BLTP3A: variants seen among roughly 807,000 people sequenced by gnomAD.
The protein encoded by BLTP3A is bridge-like lipid transfer protein family member 3A.
chr6:34,870,774 A>C, the BLTP3A span: 3 of 1,498,808 alleles, frequency 2.0e-6, no homozygotes, highest in Non-Finnish European at 2.7e-6. Context: ...ACATAGGGTT[A>C]TTATGAATAT....
chr6:34,870,129 G>T, the BLTP3A span, among the ~76,000 whole-genome samples: 1 of 151,754 alleles, frequency 6.6e-6, no homozygotes, highest in Non-Finnish European at 1.5e-5. Flanking sequence ...TTCTATTCTG[G>T]ACAGCCATTT....
chr6:34,831,463 T>G, the BLTP3A span, among the ~76,000 whole-genome samples: 3 of 152,172 alleles, frequency 2.0e-5, no homozygotes, highest in African/African-American at 4.8e-5. Flanking sequence ...GAACAGAAAT[T>G]ATTAATTCTG....
the BLTP3A span, among the ~76,000 whole-genome samples, chr6:34,805,852 A>G: frequency 7.8e-4 from 118 of 152,136 alleles, no homozygotes; most frequent in African/African-American, 2.7e-3. Context: ...TCAGAGCAAT[A>G]GCATCCTTTT....
At chr6:34,830,057 C>T in the BLTP3A span, among the ~76,000 whole-genome samples, 1 of 151,634 alleles carries the variant, frequency 6.6e-6, no homozygotes, top group Admixed American at 6.6e-5. Flanking sequence ...TCGTGATTTG[C>T]CTGCCTCAGC....
At chr6:34,805,491 G>A in the BLTP3A span, among the ~76,000 whole-genome samples, 2 of 151,688 alleles carry the variant, frequency 1.3e-5, no homozygotes, top group Non-Finnish European at 2.9e-5. Flanking sequence ...TACTTGGGAG[G>A]CTGAGGCAGG....
At chr6:34,795,060 T>G in the BLTP3A span, among the ~76,000 whole-genome samples, 1 of 151,842 alleles carries the variant, frequency 6.6e-6, no homozygotes, top group African/African-American at 2.4e-5. Context: ...GTGCTGGGAT[T>G]ACAGGCGTGA....
chr6:34,800,487 TG>T, the BLTP3A span, among the ~76,000 whole-genome samples: 1 of 151,936 alleles, frequency 6.6e-6, no homozygotes, highest in African/African-American at 2.4e-5. Context: ...TGGGGAGTAA[TG>T]GGGGTTGTAG....
the BLTP3A span, among the ~76,000 whole-genome samples, chr6:34,864,522 C>CTTTTTT: frequency 4.6e-5 from 5 of 109,424 alleles, no homozygotes; most frequent in Non-Finnish European, 5.5e-5. Context: ...TGCTTATAGT[C>CTTTTTT]TTTTTTTTTT....
the BLTP3A span, among the ~76,000 whole-genome samples, chr6:34,845,884 A>G: frequency 6.6e-6 from 1 of 151,472 alleles, no homozygotes; most frequent in Admixed American, 6.6e-5. Flanking sequence ...GGCGTGAGCC[A>G]CCGCGCCCGG....
the BLTP3A span, among the ~76,000 whole-genome samples, chr6:34,864,642 T>C: frequency 2.6e-5 from 4 of 152,028 alleles, no homozygotes; most frequent in Non-Finnish European, 5.9e-5. Flanking sequence ...TTTCAGTTTA[T>C]TGAAATAATA....
At chr6:34,825,337 C>T in the BLTP3A span, among the ~76,000 whole-genome samples, 6 of 149,772 alleles carry the variant, frequency 4.0e-5, no homozygotes, top group Non-Finnish European at 8.9e-5. Context: ...GATGGAGTTT[C>T]GCTTTTGTCG....
chr6:34,801,497 A>G, the BLTP3A span, among the ~76,000 whole-genome samples: 46 of 152,160 alleles, frequency 3.0e-4, no homozygotes, highest in African/African-American at 8.2e-4. Context: ...TGGTTGTCAC[A>G]GTGACTGAGG....
chr6:34,857,380 A>G, the BLTP3A span: 20 of 1,614,196 alleles, frequency 1.2e-5, no homozygotes, highest in Middle Eastern at 3.3e-4. Flanking sequence ...CCTTTCCTGC[A>G]GTCGGAAACT....
the BLTP3A span, chr6:34,836,340 G>A: frequency 1.2e-5 from 19 of 1,613,754 alleles, no homozygotes; most frequent in Admixed American, 1.7e-5. Flanking sequence ...AGCCAGTCCC[G>A]AGAGCCAGGT....
At chr6:34,832,232 C>T in the BLTP3A span, among the ~76,000 whole-genome samples, 12 of 151,586 alleles carry the variant, frequency 7.9e-5, no homozygotes, top group Non-Finnish European at 1.5e-4. Context: ...GTGATCCTCC[C>T]GCCTCAGCCT....
chr6:34,865,819 A>AT, the BLTP3A span, among the ~76,000 whole-genome samples: 2 of 152,292 alleles, frequency 1.3e-5, no homozygotes, highest in East Asian at 3.9e-4. Context: ...TTTTGTTATT[A>AT]TTTTTAACTT....
chr6:34,810,163 C>T, the BLTP3A span, among the ~76,000 whole-genome samples: 195 of 152,276 alleles, frequency 1.3e-3, no homozygotes, highest in African/African-American at 4.2e-3. Flanking sequence ...CTTTTCCTTA[C>T]AATGTCATGA....
At chr6:34,794,433 A>ATGGTTAT in the BLTP3A span, among the ~76,000 whole-genome samples, 1 of 152,356 alleles carries the variant, frequency 6.6e-6, no homozygotes, top group African/African-American at 2.4e-5. Context: ...AACATGAGGT[A>ATGGTTAT]TGGTTATTTT....
chr6:34,803,651 C>G, the BLTP3A span, among the ~76,000 whole-genome samples: 1 of 152,212 alleles, frequency 6.6e-6, no homozygotes, highest in African/African-American at 2.4e-5. Context: ...ACTTTCACAG[C>G]TTCTGAATCC....
Sources: allele counts gnomAD v4.1 joint callset (sites outside exome capture counted in the v4.1 genomes callset), GRCh38; gene constraint gnomAD v4.1.1; transcripts MANE v1.5; gene names NCBI Gene and HGNC (gene_info 2026-07-23, HGNC 2026-07-21).